STK10: variants seen among roughly 807,000 people sequenced by gnomAD.
STK10 encodes serine/threonine-protein kinase 10.
Under a neutral mutation model 113.8 loss-of-function variants are expected in STK10, and 78 were observed. The observed-to-expected ratio is 0.69, with a 90% CI of 0.57 to 0.83. The LOEUF (loss-of-function observed/expected upper bound fraction) is 0.83. Among genes scored for constraint, STK10 ranks in the 40% least tolerant of loss-of-function variants. The probability of loss-of-function intolerance (pLI) is 0.00; values close to 1 mark genes in which losing one functional copy is unlikely to be tolerated. For missense variants in STK10, 1,109 were observed against 1,280.1 expected (o/e 0.87, Z 2.04); for synonymous variants, 465 against 494.7 (o/e 0.94, Z 0.80).
chr5:172,071,207 T>C, intron 12 of STK10, among the ~76,000 whole-genome samples: 1 of 66,918 alleles, frequency 1.5e-5, no homozygotes. Flanking sequence ...AGACGCTCTC[T>C]ATCTCAAAAA....
At chr5:172,107,000 C>A (rs1199232357) in intron 5 of STK10, 186 bp from the exon 6 acceptor site, 8 of 389,646 alleles carry the variant, frequency 2.1e-5, no homozygotes, top group Non-Finnish European at 3.6e-5. Flanking sequence ...CGCCTCCACG[C>A]GGCTCCCCGC....
chr5:172,107,678 T>TGCCCACAGGCTGACCGGGG, intron 5 of STK10, 102 bp downstream of exon 5: 1 of 1,075,814 alleles, frequency 9.3e-7, no homozygotes, highest in South Asian at 1.4e-5. Context: ...GCAGGGCGTG[T>TGCCCACAGGCTGACCGGGG]AGCCCTTGTC....
At chr5:172,083,140 C>T (rs1426349736) in intron 10 of STK10, 56 bp from the exon 11 acceptor site, 6 of 1,606,882 alleles carry the variant, frequency 3.7e-6, no homozygotes, top group Non-Finnish European at 5.1e-6. Flanking sequence ...TCAGAGATCA[C>T]AATATTTGCA....
At chr5:172,136,542 A>G (rs1769864286) in intron 2 of STK10, among the ~76,000 whole-genome samples, 1 of 152,210 alleles carries the variant, frequency 6.6e-6, no homozygotes, top group South Asian at 2.1e-4. Context: ...GCTTGCAGTG[A>G]GCCAAGATCG....
At chr5:172,104,412 G>GA (rs112424984) in intron 7 of STK10, among the ~76,000 whole-genome samples, 15,183 of 152,250 alleles carry the variant, frequency 0.1, 862 homozygotes, top group East Asian at 0.13. Context: ...CCCAGGCAAA[G>GA]AGTGGCTCAC....
At chr5:172,135,102 T>C (rs1021626303) in intron 2 of STK10, among the ~76,000 whole-genome samples, 4 of 152,164 alleles carry the variant, frequency 2.6e-5, no homozygotes, top group African/African-American at 9.7e-5. Context: ...CCAAAGAAGA[T>C]GTACAAATGG....
chr5:172,076,710 C>T (rs1388341402), intron 12 of STK10, among the ~76,000 whole-genome samples: 2 of 152,186 alleles, frequency 1.3e-5, no homozygotes, highest in South Asian at 2.1e-4. Flanking sequence ...CTTATTTGTG[C>T]CACTTCTGCT....
In STK10 at chr5:172,148,431, G is replaced by A. The variant is rs144579095; in HGVS notation, c.321+8193C>T. ...GGACGTGCTTGGTGACATGGTGGGCGAATCCTGGAATGACAATCACCCTTG... is the reference window on the plus strand; with the variant it reads ...GGACGTGCTTGGTGACATGGTGGGCAAATCCTGGAATGACAATCACCCTTG... On this transcript the variant is annotated intron_variant, in intron 2 of 18. Coordinates refer to ENST00000176763, the MANE Select transcript of STK10 (RefSeq NM_005990.4). 1.7e-3 allele frequency among the ~76,000 whole-genome samples: 259 copies of A among 152,292 alleles called. 1 individual carries two copies. The highest frequency in any genetic ancestry group is 6.0e-3 in the African/African-American group (251 of 41,562).
intron 4 of STK10, among the ~76,000 whole-genome samples, chr5:172,113,504 GAA>G (rs1769295755): frequency 6.6e-6 from 1 of 152,130 alleles, no homozygotes; most frequent in African/African-American, 2.4e-5. Flanking sequence ...AGAAAAACAC[GAA>G]AATAATCATG....
intron 3 of STK10, among the ~76,000 whole-genome samples, chr5:172,122,747 C>G (rs1228984056): frequency 6.6e-6 from 1 of 152,206 alleles, no homozygotes; most frequent in Non-Finnish European, 1.5e-5. Context: ...CCTCAGCCTC[C>G]CAAGTAGCTG....
chr5:172,074,987 T>C (rs1269777675), intron 12 of STK10, among the ~76,000 whole-genome samples: 1 of 151,408 alleles, frequency 6.6e-6, no homozygotes. Context: ...ACCACTGCAC[T>C]CCAGCCTGGG....
At chr5:172,169,464 T>G (rs1053596600) in intron 1 of STK10, among the ~76,000 whole-genome samples, 2 of 147,448 alleles carry the variant, frequency 1.4e-5, no homozygotes, top group African/African-American at 2.5e-5. Context: ...GGATGGTGAA[T>G]GGATGAGAGG....
intron 2 of STK10, among the ~76,000 whole-genome samples, chr5:172,131,041 T>G (rs905146193): frequency 4.1e-5 from 6 of 147,938 alleles, no homozygotes; most frequent in Admixed American, 2.7e-4. Context: ...TGTTTTTTTT[T>G]TTTTTTTTTT....
intron 12 of STK10, among the ~76,000 whole-genome samples, chr5:172,078,978 C>CAT (rs1217362439): frequency 4.0e-5 from 6 of 150,404 alleles, no homozygotes; most frequent in Non-Finnish European, 8.9e-5. Flanking sequence ...CACACACACA[C>CAT]ACGGTGTGCA....
At chr5:172,049,753 C>G (rs954338116) in intron 18 of STK10, among the ~76,000 whole-genome samples, 1 of 152,140 alleles carries the variant, frequency 6.6e-6, no homozygotes, top group Non-Finnish European at 1.5e-5. Flanking sequence ...GACAATGGCC[C>G]CTCCTAACTG....
At chr5:172,161,772 T>A (rs978987091) in intron 1 of STK10, among the ~76,000 whole-genome samples, 2 of 152,058 alleles carry the variant, frequency 1.3e-5, no homozygotes, top group African/African-American at 4.8e-5. Context: ...AGGAGACCGA[T>A]CCGAGGCAGA....
At chr5:172,095,715 C>T (rs951406774) in intron 8 of STK10, among the ~76,000 whole-genome samples, 6 of 152,250 alleles carry the variant, frequency 3.9e-5, no homozygotes, top group South Asian at 2.1e-4. Flanking sequence ...GCAGTGCCGT[C>T]CACAGCACAA....
At chr5:172,119,198 C>T (rs1012912398) in intron 3 of STK10, among the ~76,000 whole-genome samples, 63 of 151,106 alleles carry the variant, frequency 4.2e-4, no homozygotes, top group African/African-American at 1.5e-3. Flanking sequence ...AGGCAGGGAG[C>T]GGGAAGGTGG....
At position 172,086,909 on chromosome 5, in the gene STK10, T is replaced by C. The variant is rs1056638296; in HGVS notation, c.1685+3323A>G. Among the ~76,000 whole-genome samples, 33 of 152,310 alleles carry C rather than the reference T, an allele frequency of 2.2e-4. 1 individual carries two copies. Among genetic ancestry groups the C allele is most frequent in the Middle Eastern group, 3.4e-3 (1 of 294 alleles). On this transcript the variant is annotated intron_variant, in intron 10 of 18. Coordinates refer to ENST00000176763, the MANE Select transcript of STK10 (RefSeq NM_005990.4). Reference sequence around the variant, plus strand: ...AACCACAGCCAGGGCCAGAGAGCACTGCTTCTCCATGGGGTGTGGCCAATC... The same window carrying C: ...AACCACAGCCAGGGCCAGAGAGCACCGCTTCTCCATGGGGTGTGGCCAATC...
Sources: gnomAD v4.1 joint callset for allele counts (sites outside exome capture counted in the v4.1 genomes callset) on GRCh38, gnomAD v4.1.1 for gene constraint, MANE v1.5 for transcripts, NCBI Gene and HGNC (gene_info 2026-07-23, HGNC 2026-07-21) for gene names.